EFL1: variants seen among roughly 807,000 people sequenced by gnomAD.
EFL1 encodes elongation factor like GTPase 1.
A neutral mutation model predicts 126.7 loss-of-function variants in EFL1; 76 were observed. That is an observed-to-expected ratio of 0.60 (90% CI 0.50 to 0.73). The LOEUF (loss-of-function observed/expected upper bound fraction) is 0.73, where lower values mean the gene tolerates loss of function less well. Ranked by LOEUF, EFL1 falls within the 30% of genes least tolerant of loss-of-function variation. The pLI is 0.00. For missense variants in EFL1, 1,128 were observed against 1,343.2 expected (o/e 0.84, Z 2.50); for synonymous variants, 410 against 448.4 (o/e 0.91, Z 1.08).
At chr15:82,144,229 C>A (rs549945618) in intron 18 of EFL1, among the ~76,000 whole-genome samples, 1 of 148,272 alleles carries the variant, frequency 6.7e-6, no homozygotes, top group South Asian at 2.1e-4. Flanking sequence ...GTACTCCAGC[C>A]TGGGTGACAG....
At chr15:82,147,691 CAACT>C (rs2073863342) in intron 18 of EFL1, among the ~76,000 whole-genome samples, 2 of 140,132 alleles carry the variant, frequency 1.4e-5, no homozygotes, top group South Asian at 2.2e-4. Context: ...AAAAAAAATA[CAACT>C]AACACACACC....
At chr15:82,249,733 A>G (rs2075004503) in intron 4 of EFL1, among the ~76,000 whole-genome samples, 1 of 152,120 alleles carries the variant, frequency 6.6e-6, no homozygotes, top group Non-Finnish European at 1.5e-5. Flanking sequence ...ATATGATCCC[A>G]ATATTTGTAG....
In EFL1 at chr15:82,161,646, C is replaced by T. The variant is rs563914685; in HGVS notation, c.1882+2207G>A. 2.0e-5 allele frequency among the ~76,000 whole-genome samples: 3 copies of T among 152,216 alleles called. No individual in the cohort carries two copies. In the South Asian group the frequency reaches 6.2e-4, roughly 32 times the overall value. Reference sequence around the variant, plus strand: ...TTAAAATTATGAAGAAAATTATGTGCCCCTTCTAACCATTTTAGTTTACTT... The same window carrying T: ...TTAAAATTATGAAGAAAATTATGTGTCCCTTCTAACCATTTTAGTTTACTT... On this transcript the variant is annotated intron_variant, in intron 16 of 19. Transcript: ENST00000268206.
chr15:82,163,112 T>C (rs1469418651), intron 16 of EFL1, among the ~76,000 whole-genome samples: 1 of 152,190 alleles, frequency 6.6e-6, no homozygotes, highest in East Asian at 1.9e-4. Flanking sequence ...GCAGGAAAGG[T>C]GCAGAAAGTG....
rs118109445 is a variant in EFL1 at position 82,176,104 on chromosome 15, G to C, written c.1751-12120C>G. On this transcript the variant is annotated intron_variant, in intron 15 of 19. Coordinates refer to ENST00000268206, the MANE Select transcript of EFL1 (RefSeq NM_024580.6). ...TGACACTGCAGTACAGTGGGGATGT[G>C]ATAATGGTTCTAAGTCAACCAGATA... is the stretch of plus-strand genomic sequence containing the variant. Among the ~76,000 whole-genome samples the C allele has an allele frequency of 8.6e-3, 1,309 of 152,244 alleles. 11 individuals carry two copies. The highest frequency in any genetic ancestry group is 0.011 in the Non-Finnish European group (779 of 68,020).
At chr15:82,239,693 G>A (rs1231190234) in intron 6 of EFL1, among the ~76,000 whole-genome samples, 1 of 152,262 alleles carries the variant, frequency 6.6e-6, no homozygotes, top group Non-Finnish European at 1.5e-5. Flanking sequence ...ACAATTTGCA[G>A]TTCCTTAAAT....
intron 6 of EFL1, among the ~76,000 whole-genome samples, chr15:82,239,666 A>C (rs185120880): frequency 6.6e-5 from 10 of 152,274 alleles, no homozygotes; most frequent in Non-Finnish European, 1.5e-4. Flanking sequence ...CAAACGATCT[A>C]ATTCTTCAGC....
At chr15:82,155,013 A>C (rs1299705358) in intron 17 of EFL1, among the ~76,000 whole-genome samples, 1 of 152,218 alleles carries the variant, frequency 6.6e-6, no homozygotes, top group Non-Finnish European at 1.5e-5. Context: ...AATACAAACA[A>C]ACACTTTTTG....
chr15:82,130,745 T>A (rs930924897), intron 19 of EFL1, among the ~76,000 whole-genome samples, 184 bp from the exon 20 acceptor site: 1 of 152,168 alleles, frequency 6.6e-6, no homozygotes, highest in African/African-American at 2.4e-5. Flanking sequence ...ACGCCTATAG[T>A]CCTAGCACTT....
At chr15:82,176,260 T>C (rs576883163) in intron 15 of EFL1, among the ~76,000 whole-genome samples, 3 of 152,112 alleles carry the variant, frequency 2.0e-5, no homozygotes, top group Admixed American at 2.0e-4. Flanking sequence ...ACATAGAATA[T>C]CACCATGACT....
chr15:82,151,588 G>A lies in EFL1; in HGVS notation c.2866C>T (p.Pro956Ser), dbSNP rs1457781093. 9.3e-6 allele frequency: 15 copies of A among 1,614,128 alleles called. No individual in the cohort carries two copies. The highest frequency in any genetic ancestry group is 1.3e-5 in the Non-Finnish European group (15 of 1,180,014). Residue 956 changes from proline to serine, a missense_variant, in exon 18 of 20, where the codon CCT becomes TCT. By Grantham distance (74) the Pro-to-Ser change is moderately conservative (BLOSUM62 -1). Transcript: ENST00000268206. ...GESPLTDCYG[P>S]FSGQLIATMK... ...GTGGCAATTAGCTGTCCTGAGAAAG[G>A]TCCATAGCAGTCAGTGAGTGGAGAT...
chr15:82,219,040 C>T (rs1384841524), intron 14 of EFL1, among the ~76,000 whole-genome samples: 1 of 152,126 alleles, frequency 6.6e-6, no homozygotes, highest in Non-Finnish European at 1.5e-5. Flanking sequence ...GCTGCTTGGA[C>T]CTCTGGCACT....
intron 4 of EFL1, among the ~76,000 whole-genome samples, chr15:82,244,459 A>C (rs906100336): frequency 1.3e-5 from 2 of 152,160 alleles, no homozygotes; most frequent in Admixed American, 1.3e-4. Flanking sequence ...TTTGTAACAA[A>C]GTCCTGAAGC....
intron 15 of EFL1, among the ~76,000 whole-genome samples, chr15:82,186,347 C>T (rs540523755): frequency 6.6e-6 from 1 of 152,244 alleles, no homozygotes; most frequent in African/African-American, 2.4e-5. Flanking sequence ...TAACATAACA[C>T]AAAAATCTTC....
At chr15:82,143,205 T>A (rs1328550927) in intron 18 of EFL1, among the ~76,000 whole-genome samples, 1 of 152,202 alleles carries the variant, frequency 6.6e-6, no homozygotes, top group Admixed American at 6.5e-5. Context: ...ATCCTATTGA[T>A]AAGATTACAC....
chr15:82,260,788 T>C (rs1392914244), intron 2 of EFL1, among the ~76,000 whole-genome samples: 3 of 152,236 alleles, frequency 2.0e-5, no homozygotes, highest in East Asian at 3.8e-4. Flanking sequence ...CTAGCTGGCA[T>C]GAGCAGCTCT....
intron 16 of EFL1, among the ~76,000 whole-genome samples, chr15:82,159,281 C>G (rs185409213): frequency 6.6e-6 from 1 of 151,910 alleles, no homozygotes; most frequent in Non-Finnish European, 1.5e-5. Flanking sequence ...ATACTAATAA[C>G]ATAAGCACAT....
At chr15:82,145,300 T>C (rs549886555) in intron 18 of EFL1, among the ~76,000 whole-genome samples, 36 of 112,634 alleles carry the variant, frequency 3.2e-4, no homozygotes, top group Admixed American at 9.4e-4. Context: ...CGAAACTCTG[T>C]CTCAAAAAAA....
chr15:82,216,895 A>C (rs1446356162), intron 14 of EFL1, among the ~76,000 whole-genome samples: 3 of 152,154 alleles, frequency 2.0e-5, no homozygotes. Context: ...CAAGTTCTAC[A>C]CTGGAGAAGA....
Sources: allele counts gnomAD v4.1 joint callset (sites outside exome capture counted in the v4.1 genomes callset), GRCh38; gene constraint gnomAD v4.1.1; transcripts MANE v1.5; gene names NCBI Gene and HGNC (gene_info 2026-07-23, HGNC 2026-07-21).